RBFOX1: variants seen among roughly 807,000 people sequenced by gnomAD.
RBFOX1 encodes RNA binding fox-1 homolog 1.
Under a neutral mutation model 57.7 loss-of-function variants are expected in RBFOX1, and 8 were observed. The observed-to-expected ratio is 0.14, with a 90% confidence interval of 0.08 to 0.25. The LOEUF (loss-of-function observed/expected upper bound fraction) is 0.25, where lower values mean the gene tolerates loss of function less well. Ranked by LOEUF, RBFOX1 falls within the 10% of genes least tolerant of loss-of-function variation. The pLI is 1.00. For missense variants in RBFOX1, 611 were observed against 548.5 expected (o/e 1.11, Z -1.14); for synonymous variants, 326 against 222.4 (o/e 1.47, Z -4.15).
chr16:6,901,032 A>G (rs929177893), intron 3 of RBFOX1, among the ~76,000 whole-genome samples: 1 of 152,312 alleles, frequency 6.6e-6, no homozygotes, highest in African/African-American at 2.4e-5. Context: ...CACCGACATT[A>G]TGTATACCGG....
chr16:5,292,267 A>G (rs1250491251), intron 1 of RBFOX1, among the ~76,000 whole-genome samples: 1 of 152,182 alleles, frequency 6.6e-6, no homozygotes, highest in African/African-American at 2.4e-5. Context: ...CTTTCATTTG[A>G]AAGATCCCAG....
chr16:6,846,681 T>C (rs775135485), intron 3 of RBFOX1, among the ~76,000 whole-genome samples: 1 of 152,200 alleles, frequency 6.6e-6, no homozygotes, highest in Non-Finnish European at 1.5e-5. Flanking sequence ...TAAAATTTCA[T>C]GAATGGTAAC....
At chr16:7,001,859 G>C (rs1267649422) in intron 3 of RBFOX1, among the ~76,000 whole-genome samples, 1 of 152,146 alleles carries the variant, frequency 6.6e-6, no homozygotes, top group Non-Finnish European at 1.5e-5. Flanking sequence ...TTCAGCACTT[G>C]TCTCAACTTT....
At chr16:6,894,470 G>A (rs1485293816) in intron 3 of RBFOX1, among the ~76,000 whole-genome samples, 1 of 152,032 alleles carries the variant, frequency 6.6e-6, no homozygotes, top group African/African-American at 2.4e-5. Flanking sequence ...ATTATCTTTT[G>A]GTTGGACTCC....
Position 7,595,609 on chromosome 16 carries a change from C to A in RBFOX1, c.529C>A (p.His177Asn). The change falls in exon 8 of 16, where the codon CAC becomes AAC. Residue 177 changes from histidine (H) to asparagine (N), a missense_variant. By Grantham distance (68) the His-to-Asn change is moderately conservative. This residue lies in a region of RBFOX1 where 99 missense variants were observed against 160.3 expected (regional missense o/e 0.62). Transcript: ENST00000550418. ...ADADRAREKL[H>N]GTVVEGRKIE... ...TGCGGACAGGGCGAGGGAGAAATTA[C>A]ACGGCACCGTGGTAGAGGGCCGTAA... 1 of 1,578,734 alleles carries A rather than the reference C, an allele frequency of 6.3e-7. No homozygotes were observed. The highest frequency in any genetic ancestry group is 8.6e-7 in the Non-Finnish European group (1 of 1,160,450).
intron 4 of RBFOX1, among the ~76,000 whole-genome samples, chr16:7,445,656 AAAT>A (rs764329106): frequency 1.3e-5 from 2 of 152,166 alleles, no homozygotes; most frequent in Non-Finnish European, 2.9e-5. Flanking sequence ...TAGAAATTCA[AAAT>A]ACAAGATCTA....
intron 2 of RBFOX1, among the ~76,000 whole-genome samples, chr16:6,581,036 C>T (rs994155421): frequency 6.6e-6 from 1 of 151,680 alleles, no homozygotes; most frequent in African/African-American, 2.4e-5. Context: ...TAGAAGAATG[C>T]TGTAAATATT....
chr16:5,725,380 A>G (rs1240113429), intron 3 of RBFOX1, among the ~76,000 whole-genome samples: 1 of 152,064 alleles, frequency 6.6e-6, no homozygotes, highest in East Asian at 1.9e-4. Flanking sequence ...AGTAACTGGA[A>G]CTACAGGCAT....
intron 10 of RBFOX1, among the ~76,000 whole-genome samples, chr16:7,617,880 T>G (rs1018994615): frequency 6.6e-6 from 1 of 151,898 alleles, no homozygotes; most frequent in Non-Finnish European, 1.5e-5. Flanking sequence ...GTAAATTGAG[T>G]CTTAAAGGGT....
chr16:7,403,574 C>CA (rs1555852057), intron 4 of RBFOX1, among the ~76,000 whole-genome samples: 4 of 118,208 alleles, frequency 3.4e-5, no homozygotes, highest in South Asian at 3.0e-4. Flanking sequence ...CCCCCCCCCC[C>CA]ACTTTTTTTT....
chr16:6,685,648 A>G (rs996271142), intron 3 of RBFOX1, among the ~76,000 whole-genome samples: 4 of 152,030 alleles, frequency 2.6e-5, no homozygotes, highest in Admixed American at 1.3e-4. Flanking sequence ...TAGTTACACA[A>G]AAGTCATCCA....
intron 4 of RBFOX1, among the ~76,000 whole-genome samples, chr16:7,470,633 T>C (rs1185347549): frequency 6.6e-6 from 1 of 152,006 alleles, no homozygotes; most frequent in Non-Finnish European, 1.5e-5. Context: ...GGTGGGTGAA[T>C]GAGTGAGTGG....
chr16:7,249,545 GT>G (rs2094434260), intron 4 of RBFOX1, among the ~76,000 whole-genome samples: 1 of 150,532 alleles, frequency 6.6e-6, no homozygotes, highest in Non-Finnish European at 1.5e-5. Flanking sequence ...ATGTTTTGTA[GT>G]TTTTTAATAT....
At chr16:7,456,731 A>C (rs1486745818) in intron 4 of RBFOX1, among the ~76,000 whole-genome samples, 1 of 151,938 alleles carries the variant, frequency 6.6e-6, no homozygotes, top group African/African-American at 2.4e-5. Context: ...TAGAATCGCC[A>C]CCTATGGCTG....
At chr16:7,685,201 G>T (rs2075799515) in intron 14 of RBFOX1, among the ~76,000 whole-genome samples, 1 of 152,048 alleles carries the variant, frequency 6.6e-6, no homozygotes, top group South Asian at 2.1e-4. Context: ...ACCCCGATAT[G>T]CCATAATGTT....
At chr16:7,463,978 C>T (rs1157236476) in intron 4 of RBFOX1, among the ~76,000 whole-genome samples, 1 of 152,152 alleles carries the variant, frequency 6.6e-6, no homozygotes, top group African/African-American at 2.4e-5. Flanking sequence ...CCCTGGGTGA[C>T]TCAGAAGGAA....
intron 4 of RBFOX1, among the ~76,000 whole-genome samples, chr16:7,516,764 A>T (rs538660653): frequency 1.3e-5 from 2 of 152,304 alleles, no homozygotes; most frequent in East Asian, 3.9e-4. Context: ...TCCAAGTGTC[A>T]TCTTTAACAT....
intron 3 of RBFOX1, among the ~76,000 whole-genome samples, chr16:5,819,015 T>A (rs532703005): frequency 3.3e-5 from 5 of 152,302 alleles, no homozygotes; most frequent in African/African-American, 9.6e-5. Context: ...TCTGCTCCAT[T>A]TCCCCCTCCT....
Position 7,698,183 on chromosome 16 carries a change from GGTGTGTGTGTGTGTGT to G in RBFOX1, c.996-10856_996-10841del, listed in dbSNP as rs59239865. Reference sequence around the variant, plus strand: ...TTGTTTTAGACACAGAGTCCAAGAGGGTGTGTGTGTGTGTGTGTGTGTGTGTGTGTGTATAAAGGGG... The same window carrying G: ...TTGTTTTAGACACAGAGTCCAAGAGGGTGTGTGTGTGTGTGTATAAAGGGG... On this transcript the variant is annotated intron_variant, in intron 14 of 15. Transcript: ENST00000550418. Among the ~76,000 whole-genome samples the G allele has an allele frequency of 4.9e-3, 668 of 136,212 alleles. 8 individuals are homozygous for G. Among genetic ancestry groups the G allele is most frequent in the Non-Finnish European group, 8.6e-3 (527 of 61,586 alleles). The allele number at this position is 136,212 out of a possible 152,430, so 89.4% of individuals were successfully genotyped here. A position where few individuals can be genotyped will look rare whatever the true frequency, so the allele number is the denominator to read the frequency against.
Sources: allele counts gnomAD v4.1 joint callset (sites outside exome capture counted in the v4.1 genomes callset), GRCh38; gene constraint gnomAD v4.1.1; regional missense constraint gnomAD v4.1.1; transcripts MANE v1.5; gene names NCBI Gene and HGNC (gene_info 2026-07-23, HGNC 2026-07-21).